Variants in CHD4 observed in about 807,000 individuals in gnomAD.
The protein encoded by CHD4 is ATP-dependent chromatin remodeler CHD4.
In CHD4, 35 loss-of-function variants were observed where a neutral mutation model predicts 235.5. The ratio of observed to expected loss-of-function variants is 0.15; its 90% CI spans 0.11 to 0.20. The LOEUF (loss-of-function observed/expected upper bound fraction) is 0.20, where lower values mean the gene tolerates loss of function less well. Among genes scored for constraint, CHD4 ranks in the 10% least tolerant of loss-of-function variants. The pLI is 1.00. For synonymous variants in CHD4, 900 were observed against 850.2 expected, an observed-to-expected ratio of 1.06 and a Z score of -1.02; for missense variants, 1,329 against 2,432.3, an observed-to-expected ratio of 0.55 and a Z score of 9.54.
intron 22 of CHD4, 46 bp downstream of exon 22, chr12:6,591,420 T>C (rs762521962): frequency 1.8e-5 from 26 of 1,457,962 alleles, no homozygotes; most frequent in Middle Eastern, 1.7e-4. Context: ...TCCAAAGATA[T>C]AAGCAAATGA....
intron 12 of CHD4, among the ~76,000 whole-genome samples, chr12:6,596,781 C>T (rs1458027879): frequency 6.6e-6 from 1 of 151,038 alleles, no homozygotes; most frequent in Non-Finnish European, 1.5e-5. Context: ...GCCTGGGCGA[C>T]AGAACGAGAC....
chr12:6,602,852 T>G (rs1948622612), intron 2 of CHD4: 1 of 189,660 alleles, frequency 5.3e-6, no homozygotes, highest in Non-Finnish European at 1.1e-5. Context: ...CTCCTGTAAC[T>G]GGCCACCAAG....
intron 37 of CHD4, among the ~76,000 whole-genome samples, chr12:6,574,727 G>A (rs774372997): frequency 3.9e-5 from 6 of 152,130 alleles, no homozygotes; most frequent in African/African-American, 7.2e-5. Context: ...TCTAAAATTC[G>A]ATATCATTCT....
intron 22 of CHD4, among the ~76,000 whole-genome samples, chr12:6,590,712 T>C (rs1948379831): frequency 6.6e-6 from 1 of 152,122 alleles, no homozygotes; most frequent in South Asian, 2.1e-4. Context: ...CCCCAGCTAG[T>C]TGGGAGGCTG....
rs1294623983 is a variant in CHD4 at position 6,602,078 on chromosome 12, C to T, written c.320G>A (p.Gly107Asp). 6.2e-7 allele frequency: 1 copy of T among 1,613,478 alleles called. No homozygotes were observed. Among genetic ancestry groups the T allele is most frequent in the Non-Finnish European group, 8.5e-7 (1 of 1,179,892 alleles). Residue 107 changes from glycine (G) to aspartate (D), a missense_variant, in exon 4 of 40, where the codon GGC (glycine) becomes GAC (aspartate). Physicochemically the swap from Gly to Asp is moderately conservative, Grantham distance 94 (BLOSUM62 -1). Coordinates refer to ENST00000544040, the MANE Select transcript of CHD4 (RefSeq NM_001273.5). ...EEVALRSDSEGSDYTPGKKKK... is the reference protein window; with the variant it reads ...EEVALRSDSEDSDYTPGKKKK... ...CTTCTTGCCAGGAGTATAGTCGCTG[C>T]CCTCACTGTCTGAGCGCAGAGCCAC...
chr12:6,589,202 A>G (rs1377873621), intron 22 of CHD4, among the ~76,000 whole-genome samples: 1 of 151,958 alleles, frequency 6.6e-6, no homozygotes, highest in Admixed American at 6.6e-5. Flanking sequence ...AGAATGTCAG[A>G]ATATAAAACC....
In CHD4 at chr12:6,577,932, C is replaced by T. The variant is rs755667676; in HGVS notation, c.5229-15G>A. On this transcript the variant is annotated splice_polypyrimidine_tract_variant and intron_variant, in intron 36 of 39. Coordinates refer to ENST00000544040, the MANE Select transcript of CHD4 (RefSeq NM_001273.5). ...CATAGCCATGGCTATTGGAAAAGTG[C>T]TCAGGAAAAACAAAACAAGGAAAGT... is the stretch of plus-strand genomic sequence containing the variant. 7 of 1,613,652 alleles carry T rather than the reference C, an allele frequency of 4.3e-6. No homozygotes were observed. The highest frequency in any genetic ancestry group is 3.3e-5 in the South Asian group (3 of 91,082).
intron 38 of CHD4, among the ~76,000 whole-genome samples, chr12:6,572,686 T>A (rs1947995997): frequency 6.6e-6 from 1 of 152,090 alleles, no homozygotes; most frequent in Non-Finnish European, 1.5e-5. Context: ...GCCTCCTGAG[T>A]AGCTAGGATT....
rs1429869827 is a variant in CHD4 at position 6,582,939 on chromosome 12, G to C, written c.4148-3C>G. ...CTTACGACTGGGCCTACGGGGAGCT[G>C]CAAGAAGAAAAAGATGAATGAGTGA... On this transcript the variant is annotated splice_polypyrimidine_tract_variant and splice_region_variant and intron_variant, in intron 27 of 39. Coordinates refer to ENST00000544040, the MANE Select transcript of CHD4 (RefSeq NM_001273.5). The C allele has an allele frequency of 4.3e-6, 7 of 1,611,954 alleles. No homozygotes were observed. The highest frequency in any genetic ancestry group is 5.9e-6 in the Non-Finnish European group (7 of 1,179,364).
At chr12:6,598,801 T>C (rs942389494) in intron 10 of CHD4, among the ~76,000 whole-genome samples, 23 of 152,028 alleles carry the variant, frequency 1.5e-4, no homozygotes, top group Non-Finnish European at 8.8e-5. Flanking sequence ...AGAGCAAGAC[T>C]CCATCTCAAA....
chr12:6,578,729 C>CT (rs755855388), intron 34 of CHD4, 117 bp downstream of exon 34: 2 of 1,359,204 alleles, frequency 1.5e-6, no homozygotes, highest in Admixed American at 3.7e-5. Context: ...CAGGTACAGT[C>CT]TTTTATCTTG....
intron 10 of CHD4, among the ~76,000 whole-genome samples, chr12:6,599,005 C>T (rs771200646): frequency 8.5e-5 from 13 of 152,164 alleles, no homozygotes; most frequent in Non-Finnish European, 1.6e-4. Context: ...ATTTGCGTGC[C>T]ACCATCACTC....
chr12:6,604,251 G>C (rs1382172114), intron 2 of CHD4, among the ~76,000 whole-genome samples: 1 of 152,092 alleles, frequency 6.6e-6, no homozygotes, highest in Non-Finnish European at 1.5e-5. Flanking sequence ...TCCAACCTTG[G>C]CGACAGAGTG....
intron 2 of CHD4, 24 bp downstream of exon 2, chr12:6,606,250 A>C (rs1170218820): frequency 2.3e-5 from 33 of 1,440,174 alleles, no homozygotes; most frequent in Non-Finnish European, 3.1e-5. Context: ...CCTTCCCGCC[A>C]TGGGCCCTTG....
intron 10 of CHD4, 108 bp from the exon 11 acceptor site, chr12:6,598,533 T>C (rs1014080292): frequency 8.5e-6 from 8 of 944,608 alleles, no homozygotes; most frequent in Admixed American, 2.6e-5. Flanking sequence ...ATTTCAGACC[T>C]GGAGCAGTGG....
Position 6,582,190 on chromosome 12 carries a change from A to T in CHD4, c.4462T>A (p.Ser1488Thr). The part of the protein sequence containing the change: ...FADGVPREGL[S>T]RQHVLTRIGV... Reference sequence around the variant, plus strand: ...ATTCTAGTAAGGACATGCTGGCGAGACAGGCCTTCTCGGGGGACACCATCA... The same window carrying T: ...ATTCTAGTAAGGACATGCTGGCGAGTCAGGCCTTCTCGGGGGACACCATCA... The change falls in exon 30 of 40, where the codon TCT becomes ACT. Residue 1488 changes from serine to threonine, a missense_variant. This residue lies in a region of CHD4 where 48 missense variants were observed against 109.6 expected (regional missense o/e 0.44). Transcript: ENST00000544040. 1.2e-6 allele frequency: 2 copies of T among 1,602,328 alleles called. No homozygotes were observed. The highest frequency in any genetic ancestry group is 1.7e-6 in the Non-Finnish European group (2 of 1,175,438).
intron 2 of CHD4, 50 bp downstream of exon 2, chr12:6,606,224 A>C (rs757775899): frequency 1.6e-6 from 2 of 1,256,456 alleles, no homozygotes; most frequent in South Asian, 2.6e-5. Flanking sequence ...GTCACTCGGG[A>C]GAGCCCCAGA....
intron 33 of CHD4, among the ~76,000 whole-genome samples, chr12:6,579,755 A>C (rs1471735956): frequency 1.4e-5 from 2 of 144,198 alleles, no homozygotes; most frequent in Non-Finnish European, 3.0e-5. Flanking sequence ...CGTCTCAAAA[A>C]AAAAAAAAAA....
Position 6,600,031 on chromosome 12 carries a change from G to T in CHD4, c.1243-19C>A. ...CCTTCTCCTGCAGTAAAGGACCACAGATTCAGATTATTACCCCCACCCGCC... is the reference window on the plus strand; with the variant it reads ...CCTTCTCCTGCAGTAAAGGACCACATATTCAGATTATTACCCCCACCCGCC... On this transcript the variant is annotated intron_variant, in intron 9 of 39. Coordinates refer to ENST00000544040, the MANE Select transcript of CHD4 (RefSeq NM_001273.5). 1 of 1,612,980 alleles carries T rather than the reference G, an allele frequency of 6.2e-7. No homozygotes were observed. Among genetic ancestry groups the T allele is most frequent in the Non-Finnish European group, 8.5e-7 (1 of 1,179,200 alleles).
Sources: allele counts gnomAD v4.1 joint callset (sites outside exome capture counted in the v4.1 genomes callset), GRCh38; gene constraint gnomAD v4.1.1; regional missense constraint gnomAD v4.1.1; transcripts MANE v1.5; gene names NCBI Gene and HGNC (gene_info 2026-07-23, HGNC 2026-07-21).